The following GALNTL6 variants were observed in gnomAD, a reference collection of about 807,000 sequenced individuals.
GALNTL6 encodes the protein polypeptide N-acetylgalactosaminyltransferase-like 6.
Under a neutral mutation model 73.7 loss-of-function variants are expected in GALNTL6, and 46 were observed. The observed-to-expected ratio is 0.62, with a 90% CI of 0.49 to 0.80. GALNTL6 has a LOEUF of 0.80. GALNTL6 is among the 30% of genes least tolerant of loss of function. GALNTL6 has a pLI of 0.00. For synonymous variants in GALNTL6, 259 were observed against 263.7 expected, an observed-to-expected ratio of 0.98 and a Z score of 0.17; for missense variants, 604 against 755.0, an observed-to-expected ratio of 0.80 and a Z score of 2.34.
At chr4:172,705,367 A>G (rs1475490171) in intron 5 of GALNTL6, among the ~76,000 whole-genome samples, 1 of 151,326 alleles carries the variant, frequency 6.6e-6, no homozygotes, top group Non-Finnish European at 1.5e-5. Context: ...CTGCATGGGT[A>G]TATAAAACAT....
rs1749475671 is a variant in GALNTL6 at position 172,952,122 on chromosome 4, CGG to C, written c.1239_1240del (p.Asp414HisfsTer29). 1 of 1,613,934 alleles carries C rather than the reference CGG, an allele frequency of 6.2e-7. No homozygotes were observed. The highest frequency in any genetic ancestry group is 1.1e-5 in the South Asian group (1 of 91,076). The stretch of plus-strand genomic sequence containing the variant: ...CGGCCGGAGTACAGGCATCTCTCCA[CGG>C]GGGACATCTCTGCCCAGAAGGAGCT... On this transcript the variant is annotated frameshift_variant, in exon 10 of 13. Coordinates refer to ENST00000506823, the MANE Select transcript of GALNTL6 (RefSeq NM_001034845.3). LOFTEE classifies it high-confidence loss of function.
intron 2 of GALNTL6, among the ~76,000 whole-genome samples, chr4:172,205,984 G>A (rs934774471): frequency 6.6e-6 from 1 of 152,136 alleles, no homozygotes; most frequent in African/African-American, 2.4e-5. Flanking sequence ...TACCTACTCA[G>A]AGGTCTACCT....
At chr4:172,979,678 C>T (rs1672826097) in intron 10 of GALNTL6, among the ~76,000 whole-genome samples, 1 of 152,172 alleles carries the variant, frequency 6.6e-6, no homozygotes, top group Non-Finnish European at 1.5e-5. Flanking sequence ...GCTTTAGGAG[C>T]CCTTTGAGTT....
chr4:171,971,228 G>T (rs1739560197), intron 2 of GALNTL6, among the ~76,000 whole-genome samples: 1 of 152,138 alleles, frequency 6.6e-6, no homozygotes. Flanking sequence ...CACCATTCCC[G>T]ATCCTCCCAC....
chr4:172,118,828 T>A (rs1733063870), intron 2 of GALNTL6, among the ~76,000 whole-genome samples: 2 of 133,058 alleles, frequency 1.5e-5, no homozygotes, highest in African/African-American at 5.2e-5. Context: ...TAAGCAGTGA[T>A]TTTTTTTTTC....
intron 5 of GALNTL6, among the ~76,000 whole-genome samples, chr4:172,570,474 G>T (rs2110947731): frequency 6.6e-6 from 1 of 152,248 alleles, no homozygotes; most frequent in South Asian, 2.1e-4. Flanking sequence ...TGGAGGTAGG[G>T]TCTTTAATGA....
intron 2 of GALNTL6, among the ~76,000 whole-genome samples, chr4:171,897,736 C>T (rs1736966933): frequency 1.3e-5 from 2 of 151,306 alleles, no homozygotes; most frequent in African/African-American, 2.4e-5. Flanking sequence ...CTGCAAGCTC[C>T]GCCTCCCGGT....
chr4:172,755,323 A>G (rs1302406863), intron 5 of GALNTL6, among the ~76,000 whole-genome samples: 1 of 150,938 alleles, frequency 6.6e-6, no homozygotes, highest in Non-Finnish European at 1.5e-5. Flanking sequence ...AAACTTCTAA[A>G]TTGCAAAAAA....
At chr4:172,645,943 G>C (rs559793562) in intron 5 of GALNTL6, among the ~76,000 whole-genome samples, 5 of 151,872 alleles carry the variant, frequency 3.3e-5, no homozygotes, top group Admixed American at 2.0e-4. Context: ...AGGATATAGG[G>C]AGAACACCTC....
chr4:172,845,228 AAAAAAAGAAAAAG>A (rs1261946411), intron 7 of GALNTL6, among the ~76,000 whole-genome samples: 1 of 147,924 alleles, frequency 6.8e-6, no homozygotes, highest in African/African-American at 2.6e-5. Context: ...AAAAAAAAAA[AAAAAAAGAAAAAG>A]AAAAAGAAAA....
intron 5 of GALNTL6, among the ~76,000 whole-genome samples, chr4:172,758,262 C>A (rs1023134885): frequency 6.6e-6 from 1 of 152,182 alleles, no homozygotes; most frequent in South Asian, 2.1e-4. Flanking sequence ...AGGCCAGGTG[C>A]GGTGGCTCAT....
intron 2 of GALNTL6, among the ~76,000 whole-genome samples, chr4:172,113,855 G>C (rs150376992): frequency 4.3e-4 from 65 of 151,960 alleles, no homozygotes; most frequent in African/African-American, 1.5e-3. Context: ...TAACTTGTTG[G>C]GTTGTATTTT....
intron 2 of GALNTL6, among the ~76,000 whole-genome samples, chr4:171,866,290 C>A (rs961936834): frequency 1.2e-4 from 18 of 151,788 alleles, no homozygotes; most frequent in African/African-American, 3.4e-4. Context: ...GTTTATTTTT[C>A]TTTAATTTTT....
intron 2 of GALNTL6, among the ~76,000 whole-genome samples, chr4:171,953,225 CGTGTGTGTGTGTGTGT>C (rs36214606): frequency 6.8e-5 from 10 of 147,024 alleles, no homozygotes; most frequent in African/African-American, 2.3e-4. Flanking sequence ...CGCATGCGCA[CGTGTGTGTGTGTGTGT>C]GTGTGTGTGT....
intron 2 of GALNTL6, among the ~76,000 whole-genome samples, chr4:171,856,140 T>A (rs1395799930): frequency 2.0e-5 from 3 of 152,158 alleles, no homozygotes; most frequent in African/African-American, 4.8e-5. Context: ...TCTTGCTCTA[T>A]CACCCAGGCT....
At chr4:172,543,790 C>A (rs1165701261) in intron 5 of GALNTL6, among the ~76,000 whole-genome samples, 2 of 152,136 alleles carry the variant, frequency 1.3e-5, no homozygotes, top group Non-Finnish European at 2.9e-5. Flanking sequence ...AGTATGCTAC[C>A]TCTTTGCCTT....
intron 6 of GALNTL6, 79 bp from the exon 7 acceptor site, chr4:172,813,461 T>C: frequency 8.2e-7 from 1 of 1,221,274 alleles, no homozygotes; most frequent in African/African-American, 1.5e-5. Context: ...AGTGGAGGAC[T>C]GTAGGCTTCT....
chr4:172,436,598 A>G (rs1344497453), intron 5 of GALNTL6, among the ~76,000 whole-genome samples: 1 of 152,126 alleles, frequency 6.6e-6, no homozygotes, highest in Non-Finnish European at 1.5e-5. Flanking sequence ...TAAGTGAAAA[A>G]CACTTAAACC....
At chr4:172,550,110 C>T (rs2110896686) in intron 5 of GALNTL6, among the ~76,000 whole-genome samples, 1 of 152,160 alleles carries the variant, frequency 6.6e-6, no homozygotes, top group South Asian at 2.1e-4. Flanking sequence ...CACAAATATA[C>T]ATATATTTTT....
Sources: gnomAD v4.1 joint callset for allele counts (sites outside exome capture counted in the v4.1 genomes callset) on GRCh38, gnomAD v4.1.1 for gene constraint, MANE v1.5 for transcripts, NCBI Gene and HGNC (gene_info 2026-07-23, HGNC 2026-07-21) for gene names.